AKAP6: variants seen among roughly 807,000 people sequenced by gnomAD.
The protein encoded by AKAP6 is A-kinase anchor protein 6.
AKAP6 carries 58 observed loss-of-function variants against 188.5 expected under a neutral mutation model. That is an observed-to-expected ratio of 0.31 (90% CI 0.25 to 0.38). AKAP6 has a LOEUF of 0.38. AKAP6 is among the 10% of genes least tolerant of loss of function. The pLI is 1.00. For synonymous variants in AKAP6, 989 were observed against 998.6 expected, an observed-to-expected ratio of 0.99 and a Z score of 0.18; for missense variants, 2,710 against 2,740.0, an observed-to-expected ratio of 0.99 and a Z score of 0.24.
At chr14:32,376,819 C>T (rs868132765) in intron 1 of AKAP6, among the ~76,000 whole-genome samples, 12 of 152,144 alleles carry the variant, frequency 7.9e-5, no homozygotes, top group African/African-American at 2.9e-4. Context: ...GCCTCAGCCT[C>T]CTGAGTAGCT....
intron 12 of AKAP6, among the ~76,000 whole-genome samples, chr14:32,801,556 G>A (rs111374357): frequency 6.6e-6 from 1 of 152,100 alleles, no homozygotes; most frequent in African/African-American, 2.4e-5. Context: ...AAAAATAAGA[G>A]AACTGAAAGA....
At chr14:32,414,284 G>T (rs2138658226) in intron 1 of AKAP6, among the ~76,000 whole-genome samples, 1 of 152,146 alleles carries the variant, frequency 6.6e-6, no homozygotes, top group Non-Finnish European at 1.5e-5. Flanking sequence ...AGGGAGTGCT[G>T]GTTCTGTTAA....
At chr14:32,584,630 C>T (rs1885145506) in intron 5 of AKAP6, among the ~76,000 whole-genome samples, 1 of 152,190 alleles carries the variant, frequency 6.6e-6, no homozygotes, top group Non-Finnish European at 1.5e-5. Context: ...TAATTCTTCC[C>T]TCCTACCCCT....
intron 7 of AKAP6, among the ~76,000 whole-genome samples, chr14:32,606,437 A>G (rs943124162): frequency 5.9e-5 from 9 of 152,132 alleles, no homozygotes; most frequent in African/African-American, 2.2e-4. Context: ...TTTACTTTTC[A>G]CTTACGAAGC....
chr14:32,377,618 TA>T (rs1210118228), intron 1 of AKAP6, among the ~76,000 whole-genome samples: 7 of 152,090 alleles, frequency 4.6e-5, no homozygotes, highest in Non-Finnish European at 8.8e-5. Context: ...CCCATTTGGG[TA>T]AAAATCACTG....
At chr14:32,498,079 G>T (rs960924852) in intron 2 of AKAP6, among the ~76,000 whole-genome samples, 8 of 152,238 alleles carry the variant, frequency 5.3e-5, no homozygotes, top group African/African-American at 1.9e-4. Flanking sequence ...AGAATTCACT[G>T]ATAGTTTTCA....
intron 10 of AKAP6, among the ~76,000 whole-genome samples, chr14:32,735,251 C>T (rs1189359570): frequency 6.6e-6 from 1 of 152,248 alleles, no homozygotes; most frequent in East Asian, 1.9e-4. Context: ...ATCTCCTGGA[C>T]ATTTTATGTG....
At chr14:32,430,523 A>G (rs545790896) in intron 1 of AKAP6, among the ~76,000 whole-genome samples, 18 of 152,234 alleles carry the variant, frequency 1.2e-4, no homozygotes, top group South Asian at 2.1e-4. Flanking sequence ...CTGTTTTTTC[A>G]GTTGTGCAGG....
chr14:32,811,934 T>G (rs1381580234), intron 12 of AKAP6, among the ~76,000 whole-genome samples: 1 of 152,222 alleles, frequency 6.6e-6, no homozygotes, highest in Non-Finnish European at 1.5e-5. Flanking sequence ...AAACTTCACT[T>G]GTTTACATGA....
intron 11 of AKAP6, among the ~76,000 whole-genome samples, chr14:32,759,556 C>T (rs2032466217): frequency 6.6e-6 from 1 of 152,134 alleles, no homozygotes; most frequent in African/African-American, 2.4e-5. Flanking sequence ...AAAGAGATAC[C>T]TGAGACTGGG....
Position 32,678,381 on chromosome 14 carries a change from G to A in AKAP6, c.2801G>A (p.Ser934Asn). 1 of 1,613,916 alleles carries A rather than the reference G, an allele frequency of 6.2e-7. No individual in the cohort carries two copies. Among genetic ancestry groups the A allele is most frequent in the East Asian group, 2.2e-5 (1 of 44,800 alleles). ...GAGCAGATGTCCCTCAAGCTGTACA[G>A]CGAGCAGTATACCAGCAGCAGCAAG... ...AVEQMSLKLY[S>N]EQYTSSSKRK... is the part of the protein sequence containing the mutation. Residue 934 changes from serine to asparagine, a missense_variant, in exon 8 of 14, where the codon AGC becomes AAC. By Grantham distance (46) the Ser-to-Asn change is conservative. This residue lies in a region of AKAP6 where 2,473 missense variants were observed against 2,426.1 expected (regional missense o/e 1.02). Transcript: ENST00000280979.
intron 1 of AKAP6, among the ~76,000 whole-genome samples, chr14:32,381,911 A>G (rs2138554297): frequency 6.6e-6 from 1 of 152,164 alleles, no homozygotes; most frequent in Middle Eastern, 3.4e-3. Context: ...TCAGGTCCAA[A>G]GTACTACTCA....
At chr14:32,565,454 A>G (rs1487570705) in intron 4 of AKAP6, among the ~76,000 whole-genome samples, 1 of 152,158 alleles carries the variant, frequency 6.6e-6, no homozygotes, top group Non-Finnish European at 1.5e-5. Context: ...TGTCCATTCT[A>G]CCTTTGAGTA....
chr14:32,634,802 C>A (rs141893134), intron 7 of AKAP6, among the ~76,000 whole-genome samples: 9 of 151,988 alleles, frequency 5.9e-5, no homozygotes, highest in African/African-American at 2.2e-4. Context: ...TTGAAAGAAT[C>A]CTGTAGTTAT....
chr14:32,738,624 T>C (rs2031542761), intron 11 of AKAP6, among the ~76,000 whole-genome samples: 1 of 152,110 alleles, frequency 6.6e-6, no homozygotes, highest in Non-Finnish European at 1.5e-5. Flanking sequence ...AGAATTTGAG[T>C]TGTGGAAAGG....
intron 2 of AKAP6, among the ~76,000 whole-genome samples, chr14:32,434,320 A>G (rs1315303583): frequency 2.6e-5 from 4 of 152,242 alleles, no homozygotes; most frequent in African/African-American, 9.6e-5. Flanking sequence ...CATGTAGAAC[A>G]AAGGTGATTT....
At chr14:32,816,145 T>A (rs2034371647) in intron 12 of AKAP6, among the ~76,000 whole-genome samples, 1 of 152,218 alleles carries the variant, frequency 6.6e-6, no homozygotes, top group Non-Finnish European at 1.5e-5. Flanking sequence ...AAGTTATCTT[T>A]CCATTTTCAG....
At chr14:32,682,931 G>T (rs147679007) in intron 8 of AKAP6, among the ~76,000 whole-genome samples, 9 of 151,986 alleles carry the variant, frequency 5.9e-5, no homozygotes, top group African/African-American at 2.2e-4. Context: ...AAGTCTAGGG[G>T]TGGAGACCAG....
intron 4 of AKAP6, among the ~76,000 whole-genome samples, chr14:32,561,288 G>A (rs930784083): frequency 2.4e-4 from 36 of 152,066 alleles, no homozygotes; most frequent in African/African-American, 8.0e-4. Context: ...TAGGGAATTA[G>A]CACCATATAT....
Sources: gnomAD v4.1 joint callset for allele counts (sites outside exome capture counted in the v4.1 genomes callset) on GRCh38, gnomAD v4.1.1 for gene constraint, gnomAD v4.1.1 regional missense constraint, MANE v1.5 for transcripts, NCBI Gene and HGNC (gene_info 2026-07-23, HGNC 2026-07-21) for gene names.